The following PDE8B variants were observed in gnomAD, a reference collection of about 807,000 sequenced individuals.
PDE8B encodes high affinity cAMP-specific and IBMX-insensitive 3',5'-cyclic phosphodiesterase 8B.
A neutral mutation model predicts 101.3 loss-of-function variants in PDE8B; 26 were observed. The ratio of observed to expected loss-of-function variants is 0.26; its 90% CI spans 0.19 to 0.36. The LOEUF (loss-of-function observed/expected upper bound fraction) is 0.36, where lower values mean the gene tolerates loss of function less well. Among genes scored for constraint, PDE8B ranks in the 10% least tolerant of loss-of-function variants. PDE8B has a pLI of 1.00. For synonymous variants in PDE8B, 424 were observed against 429.3 expected (o/e 0.99, Z 0.15); for missense variants, 810 against 1,163.1 (o/e 0.70, Z 4.42).
At position 77,362,379 on chromosome 5, in the gene PDE8B, T is replaced by A. The variant is rs189422235; in HGVS notation, c.1167+8973T>A. On this transcript the variant is annotated intron_variant, in intron 10 of 21. Coordinates refer to ENST00000264917, the MANE Select transcript of PDE8B (RefSeq NM_003719.5). ...CCCTTCCCAAGCACATTACTATAGTTCACTATCGTGTTAGTAATGTCAAGA... is the reference window on the plus strand; with the variant it reads ...CCCTTCCCAAGCACATTACTATAGTACACTATCGTGTTAGTAATGTCAAGA... 4.6e-5 allele frequency among the ~76,000 whole-genome samples: 7 copies of A among 152,366 alleles called. No homozygotes were observed. The East Asian group carries it at 1.3e-3, about 29-fold the overall frequency.
intron 10 of PDE8B, among the ~76,000 whole-genome samples, chr5:77,356,644 G>C (rs1782156744): frequency 6.6e-6 from 1 of 152,084 alleles, no homozygotes; most frequent in South Asian, 2.1e-4. Flanking sequence ...TGGCCAGGCT[G>C]GTCTTGAACT....
the PDE8B span, among the ~76,000 whole-genome samples, chr5:77,130,427 C>T: frequency 3.3e-5 from 5 of 152,028 alleles, no homozygotes; most frequent in East Asian, 1.9e-4. Context: ...GAATATACTT[C>T]GGGGCGGGGA....
intron 11 of PDE8B, among the ~76,000 whole-genome samples, chr5:77,402,468 GATTTA>G (rs1359066332): frequency 6.6e-6 from 1 of 152,028 alleles, no homozygotes; most frequent in Non-Finnish European, 1.5e-5. Context: ...TTTAATTTTT[GATTTA>G]ATAATTTTTT....
chr5:77,144,909 A>G, the PDE8B span: 3 of 152,116 alleles, frequency 2.0e-5, no homozygotes, highest in East Asian at 1.9e-4. Context: ...AGGCACAATC[A>G]CTGCTATTTG....
chr5:77,423,616 A>T (rs1242227352), intron 20 of PDE8B, among the ~76,000 whole-genome samples: 1 of 110,230 alleles, frequency 9.1e-6, no homozygotes, highest in African/African-American at 3.2e-5. Flanking sequence ...GTGATGCTGG[A>T]CTTTTGTTTT....
chr5:77,249,062 A>G (rs980990649), intron 1 of PDE8B, among the ~76,000 whole-genome samples: 4 of 152,214 alleles, frequency 2.6e-5, no homozygotes, highest in African/African-American at 9.6e-5. Context: ...GTATTTTGTT[A>G]TGGCCACTCA....
At chr5:77,325,985 C>T (rs979900418) in intron 3 of PDE8B, among the ~76,000 whole-genome samples, 10 of 152,012 alleles carry the variant, frequency 6.6e-5, no homozygotes, top group Non-Finnish European at 1.3e-4. Flanking sequence ...TCAGGGTATT[C>T]CCCCCACCCT....
At chr5:77,169,037 AT>A in the PDE8B span, among the ~76,000 whole-genome samples, 13 of 152,236 alleles carry the variant, frequency 8.5e-5, no homozygotes, top group Non-Finnish European at 1.9e-4. Context: ...GATTCAAAAA[AT>A]CCAAGAAGCA....
chr5:77,247,738 C>G (rs891226190), intron 1 of PDE8B, among the ~76,000 whole-genome samples: 4 of 152,124 alleles, frequency 2.6e-5, no homozygotes, highest in Admixed American at 2.6e-4. Flanking sequence ...TTCCTTCCCC[C>G]TCCCTGAGGG....
At chr5:77,200,140 G>A in the PDE8B span, among the ~76,000 whole-genome samples, 15 of 152,080 alleles carry the variant, frequency 9.9e-5, no homozygotes, top group African/African-American at 3.4e-4. Flanking sequence ...AAGACATAGG[G>A]ATCACTATGG....
At chr5:77,221,869 A>T (rs1050665749) in intron 1 of PDE8B, among the ~76,000 whole-genome samples, 28 of 152,220 alleles carry the variant, frequency 1.8e-4, no homozygotes, top group African/African-American at 6.5e-4. Context: ...TTTCTTGAAG[A>T]AACAGTTCTA....
chr5:77,120,521 A>G, the PDE8B span, among the ~76,000 whole-genome samples: 2 of 152,258 alleles, frequency 1.3e-5, no homozygotes, highest in African/African-American at 2.4e-5. Flanking sequence ...TTTGAAATGC[A>G]TTAAAAATAA....
chr5:77,211,295 G>T lies in PDE8B; in HGVS notation c.339+31G>T, dbSNP rs756962159. 88 of 1,523,704 alleles carry T rather than the reference G, an allele frequency of 5.8e-5. No homozygotes were observed. In the African/African-American group the frequency reaches 1.1e-3, roughly 20 times the overall value. The allele number at this position is 1,523,704 out of a possible 1,614,324, so 94.4% of individuals were successfully genotyped here. ...TGCCCCGCGCTGGCACACGCCGTGG[G>T]GGCCGTCCGCCCCGTCGGCGGGGCT... On this transcript the variant is annotated intron_variant, in intron 1 of 21. Transcript: ENST00000264917. This position sits in a 1 kb window ranked among gnomAD's most constrained non-coding sequence, Gnocchi z 4.1.
At chr5:77,372,201 A>AAAC (rs3031818) in intron 10 of PDE8B, among the ~76,000 whole-genome samples, 18,155 of 151,558 alleles carry the variant, frequency 0.12, 2,040 homozygotes, top group African/African-American at 0.3. Context: ...TTCTGTCTCA[A>AAAC]AACAACAACA....
intron 2 of PDE8B, among the ~76,000 whole-genome samples, chr5:77,324,746 A>G (rs905266888): frequency 1.2e-4 from 18 of 152,206 alleles, no homozygotes; most frequent in Admixed American, 6.5e-4. Context: ...TTTAGTGCTA[A>G]GTTCAAAGAG....
upstream of PDE8B, among the ~76,000 whole-genome samples, chr5:77,205,453 G>T (rs1442151501): frequency 1.3e-5 from 2 of 151,930 alleles, no homozygotes; most frequent in Admixed American, 1.3e-4. Context: ...TTTCCTCTCT[G>T]GGTGTCTGGT....
intron 20 of PDE8B, among the ~76,000 whole-genome samples, chr5:77,422,921 GTA>G (rs1256829330): frequency 1.2e-4 from 19 of 152,182 alleles, no homozygotes; most frequent in African/African-American, 4.8e-5. Flanking sequence ...TGTTAAAAGG[GTA>G]TATTGCTGAT....
the PDE8B span, among the ~76,000 whole-genome samples, chr5:77,125,811 A>T: frequency 6.6e-6 from 1 of 152,192 alleles, no homozygotes; most frequent in Non-Finnish European, 1.5e-5. Context: ...GGAATAGTAG[A>T]TTGGGAAGTT....
intron 3 of PDE8B, among the ~76,000 whole-genome samples, chr5:77,327,309 C>T (rs1776230261): frequency 6.6e-6 from 1 of 152,184 alleles, no homozygotes; most frequent in African/African-American, 2.4e-5. Context: ...AGGAAGAGGC[C>T]TAGGTCTCTC....
Sources: gnomAD v4.1 joint callset for allele counts (sites outside exome capture counted in the v4.1 genomes callset) on GRCh38, gnomAD v4.1.1 for gene constraint, Gnocchi (gnomAD v3.1) non-coding constraint, MANE v1.5 for transcripts, NCBI Gene and HGNC (gene_info 2026-07-23, HGNC 2026-07-21) for gene names.